The following KLHDC1 variants were observed in gnomAD, a reference collection of about 807,000 sequenced individuals.
The protein encoded by KLHDC1 is kelch domain containing 1.
Under a neutral mutation model 68.3 loss-of-function variants are expected in KLHDC1, and 53 were observed. That is an observed-to-expected ratio of 0.78 (90% CI 0.62 to 0.98). The LOEUF (loss-of-function observed/expected upper bound fraction) is 0.98, where lower values mean the gene tolerates loss of function less well. Ranked by LOEUF, KLHDC1 falls within the 50% of genes least tolerant of loss-of-function variation. The pLI, the probability that KLHDC1 is intolerant of heterozygous loss-of-function variation, is 0.00. For synonymous variants in KLHDC1, 148 were observed against 159.0 expected, an observed-to-expected ratio of 0.93 and a Z score of 0.52; for missense variants, 470 against 492.3, an observed-to-expected ratio of 0.95 and a Z score of 0.43.
intron 7 of KLHDC1, 47 bp from the exon 8 acceptor site, chr14:49,729,443 G>A: frequency 7.7e-7 from 1 of 1,297,748 alleles, no homozygotes; most frequent in African/African-American, 1.5e-5. Flanking sequence ...AATTTTAGCT[G>A]ATAAAAGATG....
rs1272198656 is a variant in KLHDC1 at position 49,752,002 on chromosome 14, G to C, written c.*230G>C. 3 of 253,540 alleles carry C rather than the reference G, an allele frequency of 1.2e-5. No individual in the cohort carries two copies. Among genetic ancestry groups the C allele is most frequent in the African/African-American group, 4.4e-5 (2 of 45,082 alleles). The allele number at this position is 253,540 out of a possible 1,614,324, so 15.7% of individuals were successfully genotyped here. ...AAACTGCAGAACAAATATTCTTTCT[G>C]AAAGTAAGTACAGTTATAACAGATT... On this transcript the variant is annotated 3_prime_UTR_variant, in exon 13 of 13. Coordinates refer to ENST00000359332, the MANE Select transcript of KLHDC1 (RefSeq NM_172193.3).
At chr14:49,704,032 C>G (rs1887978164) in intron 1 of KLHDC1, among the ~76,000 whole-genome samples, 1 of 152,192 alleles carries the variant, frequency 6.6e-6, no homozygotes, top group Admixed American at 6.5e-5. Context: ...AAATGTCAGA[C>G]TGTTACCAAA....
At chr14:49,735,647 T>C (rs1412909021) in intron 10 of KLHDC1, among the ~76,000 whole-genome samples, 1 of 152,074 alleles carries the variant, frequency 6.6e-6, no homozygotes, top group East Asian at 1.9e-4. Context: ...TACTGAGACA[T>C]GGGAGCCAAG....
chr14:49,715,434 T>C (rs1355583918), intron 4 of KLHDC1, among the ~76,000 whole-genome samples: 1 of 151,396 alleles, frequency 6.6e-6, no homozygotes, highest in Non-Finnish European at 1.5e-5. Context: ...TTTATTATAT[T>C]AAGTACATAT....
chr14:49,695,761 C>T (rs569760143), intron 1 of KLHDC1, among the ~76,000 whole-genome samples: 1 of 152,284 alleles, frequency 6.6e-6, no homozygotes, highest in South Asian at 2.1e-4. Flanking sequence ...GCTGTTTCAT[C>T]CACGTTAAAA....
intron 1 of KLHDC1, among the ~76,000 whole-genome samples, chr14:49,704,387 GTTTTTTTT>G (rs35067251): frequency 1.5e-5 from 1 of 68,690 alleles, no homozygotes; most frequent in South Asian, 6.0e-4. Context: ...TTCCTTTTCT[GTTTTTTTT>G]TTTTTTTTTT....
intron 12 of KLHDC1, among the ~76,000 whole-genome samples, chr14:49,749,677 CAAAAAAAAAAAAA>C: frequency 1.9e-5 from 1 of 53,794 alleles, no homozygotes; most frequent in East Asian, 5.3e-4. Context: ...GACTCCGTCT[CAAAAAAAAAAAAA>C]AAAAAAAGAA....
chr14:49,714,635 A>G (rs1456812846), intron 4 of KLHDC1, among the ~76,000 whole-genome samples: 3 of 151,528 alleles, frequency 2.0e-5, no homozygotes, highest in Non-Finnish European at 2.9e-5. Flanking sequence ...AAAAATACCC[A>G]GGTGTGGTGG....
rs1418274154 is a variant in KLHDC1 at position 49,743,400 on chromosome 14, A to C, written c.982-353A>C. 4.7e-5 allele frequency among the ~76,000 whole-genome samples: 6 copies of C among 128,494 alleles called. No homozygotes were observed. In the East Asian group the frequency reaches 1.2e-3, roughly 26 times the overall value. 84.3% of individuals were successfully genotyped at this position (128,494 alleles called of 152,430 possible). ...GGGCGACAGAGCAGGACTCCATCTC[A>C]AAAAAAAAAAAAAAAAGAAAAGAAA... On this transcript the variant is annotated intron_variant, in intron 11 of 12. Coordinates refer to ENST00000359332, the MANE Select transcript of KLHDC1 (RefSeq NM_172193.3).
At chr14:49,698,295 C>G (rs565104235) in intron 1 of KLHDC1, among the ~76,000 whole-genome samples, 1 of 152,126 alleles carries the variant, frequency 6.6e-6, no homozygotes, top group South Asian at 2.1e-4. Flanking sequence ...CCTCCGCCTC[C>G]TAGGTTCAAA....
rs77521788 is a variant in KLHDC1, at chr14:49,724,067, G to A, written c.483+115G>A. On this transcript the variant is annotated intron_variant, in intron 5 of 12. Coordinates refer to ENST00000359332, the MANE Select transcript of KLHDC1 (RefSeq NM_172193.3). ...GAGCTACCAATTTGTCGTAATTGAC[G>A]CTATGAAAAAAATGTGTTTTCTCTC... 0.015 allele frequency: 9,037 copies of A among 605,818 alleles called. 627 individuals are homozygous for A. In the African/African-American group the frequency reaches 0.15, roughly 10 times the overall value. The allele number at this position is 605,818 out of a possible 1,614,324, so 37.5% of individuals were successfully genotyped here.
intron 1 of KLHDC1, among the ~76,000 whole-genome samples, chr14:49,707,923 T>C (rs1566598825): frequency 1.3e-5 from 2 of 152,056 alleles, no homozygotes; most frequent in East Asian, 3.9e-4. Context: ...CCCAAAGTGC[T>C]GGGATTACAG....
At chr14:49,740,483 A>G (rs1594680914) in intron 11 of KLHDC1, among the ~76,000 whole-genome samples, 1 of 152,014 alleles carries the variant, frequency 6.6e-6, no homozygotes, top group Admixed American at 6.6e-5. Flanking sequence ...GACTACAGGC[A>G]CCTGCCAACA....
chr14:49,713,753 G>A (rs1277935456), intron 4 of KLHDC1, among the ~76,000 whole-genome samples: 1 of 140,002 alleles, frequency 7.1e-6, no homozygotes, highest in African/African-American at 2.7e-5. Flanking sequence ...CAGGTGTGGT[G>A]GCGTACGCCT....
intron 4 of KLHDC1, among the ~76,000 whole-genome samples, chr14:49,722,685 G>A (rs1441995612): frequency 3.3e-5 from 5 of 152,204 alleles, no homozygotes; most frequent in Non-Finnish European, 5.9e-5. Context: ...TGGACTTACA[G>A]TTCCATGTGG....
chr14:49,721,537 C>T (rs1480551648), intron 4 of KLHDC1, among the ~76,000 whole-genome samples: 1 of 152,128 alleles, frequency 6.6e-6, no homozygotes, highest in African/African-American at 2.4e-5. Context: ...CATGCCCTTT[C>T]TTCTTTTTTA....
Position 49,709,211 on chromosome 14 carries a change from A to T in KLHDC1, c.149A>T (p.Asp50Val). The change falls in exon 2 of 13, where the codon GAT becomes GTT. Residue 50 changes from aspartate to valine, a missense_variant. By Grantham distance (152) the Asp-to-Val change is radical. Transcript: ENST00000359332. ...YLPNDEIWTY[D>V]IDSGLWRMHL... ...CCTAATGATGAAATTTGGACCTATG[A>T]TATTGATAGTGGGTTGTGGTAAGTA... The T allele has an allele frequency of 7.3e-7, 1 of 1,369,442 alleles. No homozygotes were observed. Among genetic ancestry groups the T allele is most frequent in the Admixed American group, 1.9e-5 (1 of 52,040 alleles). The allele number at this position is 1,369,442 out of a possible 1,614,324, so 84.8% of individuals were successfully genotyped here.
At chr14:49,712,162 C>T (rs1277795395) in intron 4 of KLHDC1, among the ~76,000 whole-genome samples, 2 of 152,086 alleles carry the variant, frequency 1.3e-5, no homozygotes, top group Non-Finnish European at 2.9e-5. Flanking sequence ...TCGTGATCCA[C>T]CCGCTTCAGC....
At chr14:49,693,455 C>G (rs945586028) in intron 1 of KLHDC1, among the ~76,000 whole-genome samples, 165 bp downstream of exon 1, 9 of 151,870 alleles carry the variant, frequency 5.9e-5, no homozygotes, top group Non-Finnish European at 8.8e-5. Context: ...ACAGCCGCGC[C>G]AGGGCTTGAC....
Sources: gnomAD v4.1 joint callset for allele counts (sites outside exome capture counted in the v4.1 genomes callset) on GRCh38, gnomAD v4.1.1 for gene constraint, MANE v1.5 for transcripts, NCBI Gene and HGNC (gene_info 2026-07-23, HGNC 2026-07-21) for gene names.